Variants in DAB1 observed in about 807,000 individuals in gnomAD.
DAB1 encodes the protein DAB adaptor protein 1.
A neutral mutation model predicts 64.6 loss-of-function variants in DAB1; 15 were observed. The ratio of observed to expected loss-of-function variants is 0.23; its 90% CI spans 0.16 to 0.36. The LOEUF is 0.36. DAB1 is among the 10% of genes least tolerant of loss of function. The pLI is 1.00. For synonymous variants in DAB1, 235 were observed against 251.9 expected (o/e 0.93, Z 0.64); for missense variants, 596 against 706.7 (o/e 0.84, Z 1.78).
intron 1 of DAB1, among the ~76,000 whole-genome samples, chr1:58,544,755 G>C (rs745444787): frequency 9.9e-5 from 15 of 152,178 alleles, no homozygotes; most frequent in Non-Finnish European, 1.6e-4. Context: ...TACCACATCT[G>C]GCTAATTTTT....
intron 3 of DAB1, among the ~76,000 whole-genome samples, chr1:58,482,388 A>C (rs1005863216): frequency 3.3e-5 from 5 of 152,206 alleles, no homozygotes; most frequent in African/African-American, 1.2e-4. Context: ...CTGGCTGCTG[A>C]TTTAAGTAAC....
At chr1:57,489,892 T>C (rs564270642) in intron 7 of DAB1, among the ~76,000 whole-genome samples, 40 of 152,316 alleles carry the variant, frequency 2.6e-4, no homozygotes, top group African/African-American at 9.6e-4. Flanking sequence ...CCCTCTCTGT[T>C]AAACTCATAC....
At chr1:57,860,042 G>A (rs1234146929) in intron 1 of DAB1, among the ~76,000 whole-genome samples, 2 of 152,096 alleles carry the variant, frequency 1.3e-5, no homozygotes, top group African/African-American at 4.8e-5. Flanking sequence ...TGTCCCCATG[G>A]TATAGATGAG....
At chr1:58,224,020 A>G (rs541814911) in intron 4 of DAB1, among the ~76,000 whole-genome samples, 2 of 152,340 alleles carry the variant, frequency 1.3e-5, no homozygotes, top group Admixed American at 1.3e-4. Flanking sequence ...TAATCCACTC[A>G]GAGGAGAAGC....
At chr1:58,305,166 A>C (rs1285857413) in intron 4 of DAB1, among the ~76,000 whole-genome samples, 1 of 152,128 alleles carries the variant, frequency 6.6e-6, no homozygotes, top group Non-Finnish European at 1.5e-5. Context: ...CCCTGGGTTC[A>C]AGTAATCCCC....
rs1301514546 is a variant in DAB1, at chr1:57,872,364, C to T, written n.87+11635G>A. 3.9e-5 allele frequency among the ~76,000 whole-genome samples: 6 copies of T among 152,130 alleles called. No homozygotes were observed. The South Asian group carries it at 8.3e-4, about 21-fold the overall frequency. ...AAGAGACTCCTCATCCCTTCTCCCA[C>T]GTGAGGACACAGTGAGAGGTATATC... On this transcript the variant is annotated intron_variant and non_coding_transcript_variant, in intron 1 of 1. Transcript: ENST00000477280.
chr1:57,010,176 C>T (rs1033815500), intron 14 of DAB1, among the ~76,000 whole-genome samples: 1 of 152,126 alleles, frequency 6.6e-6, no homozygotes, highest in African/African-American at 2.4e-5. Flanking sequence ...AATGCAGTGA[C>T]ATTTTGCTTA....
chr1:57,277,279 T>C (rs896771263), intron 2 of DAB1, among the ~76,000 whole-genome samples: 5 of 152,214 alleles, frequency 3.3e-5, no homozygotes, highest in Non-Finnish European at 5.9e-5. Context: ...GTGGGCAGGA[T>C]ACTAAATCTC....
chr1:57,098,870 C>T (rs1398891721), intron 4 of DAB1, among the ~76,000 whole-genome samples: 1 of 152,132 alleles, frequency 6.6e-6, no homozygotes, highest in Non-Finnish European at 1.5e-5. Context: ...CTAACTCTAC[C>T]TTATAGATAG....
chr1:57,387,148 G>A (rs565938306), intron 1 of DAB1: 22 of 152,278 alleles, frequency 1.4e-4, no homozygotes, highest in Admixed American at 1.4e-3. Flanking sequence ...GAGACCTCAA[G>A]CAAGTCACTA....
At chr1:57,876,776 C>T (rs959964208) in intron 1 of DAB1, 3 of 152,078 alleles carry the variant, frequency 2.0e-5, no homozygotes, top group Non-Finnish European at 2.9e-5. Flanking sequence ...TGCTTAGAAG[C>T]CAAACTGAAC....
chr1:57,780,098 C>A (rs1190618836), intron 6 of DAB1, among the ~76,000 whole-genome samples: 1 of 152,128 alleles, frequency 6.6e-6, no homozygotes, highest in Non-Finnish European at 1.5e-5. Flanking sequence ...TGGCTCCAAA[C>A]TGAGTACCCT....
chr1:57,358,121 T>C (rs755592973), intron 1 of DAB1, among the ~76,000 whole-genome samples: 2 of 152,114 alleles, frequency 1.3e-5, no homozygotes, highest in African/African-American at 4.8e-5. Flanking sequence ...TCTTCCTTTT[T>C]ACTTTGAATG....
intron 6 of DAB1, among the ~76,000 whole-genome samples, chr1:57,709,084 A>AT (rs1166054920): frequency 6.6e-6 from 1 of 152,168 alleles, no homozygotes; most frequent in East Asian, 1.9e-4. Context: ...TTTTATTCCA[A>AT]TTTTTTCTAT....
intron 5 of DAB1, among the ~76,000 whole-genome samples, chr1:57,943,582 A>C (rs1051565330): frequency 3.9e-5 from 6 of 152,208 alleles, no homozygotes; most frequent in Non-Finnish European, 8.8e-5. Flanking sequence ...TACAGCCTAT[A>C]GGAATAATAG....
At chr1:57,074,351 A>T (rs918940922) in intron 4 of DAB1, among the ~76,000 whole-genome samples, 1 of 152,144 alleles carries the variant, frequency 6.6e-6, no homozygotes, top group Non-Finnish European at 1.5e-5. Context: ...GGAGAGAGAA[A>T]ATTATGAAAA....
intron 4 of DAB1, among the ~76,000 whole-genome samples, chr1:58,290,774 T>C (rs999384783): frequency 6.6e-6 from 1 of 152,166 alleles, no homozygotes; most frequent in African/African-American, 2.4e-5. Context: ...GACAGGATGC[T>C]TTCTCAAGCC....
At position 57,674,994 on chromosome 1, in the gene DAB1, G is replaced by A. The variant is rs1054566291; in HGVS notation, n.552-25329C>T. Among the ~76,000 whole-genome samples the A allele has an allele frequency of 5.3e-5, 8 of 152,172 alleles. No individual in the cohort carries two copies. In the South Asian group the frequency reaches 1.5e-3, roughly 28 times the overall value. ...CAATGGTCTGTGAGAAGAAATGTAT[G>A]TGTCACTTCTGGGTAGGAACAATGA... On this transcript the variant is annotated intron_variant and non_coding_transcript_variant, in intron 6 of 20. Transcript: ENST00000485760.
At chr1:58,527,296 C>T (rs779288032) in exon 2 of DAB1, 29 of 872,110 alleles carry the variant, frequency 3.3e-5, no homozygotes, top group Non-Finnish European at 5.2e-5. Context: ...TTGTCAGCTT[C>T]GGCCTCCAAT....
Sources: gnomAD v4.1 joint callset for allele counts (sites outside exome capture counted in the v4.1 genomes callset) on GRCh38, gnomAD v4.1.1 for gene constraint, MANE v1.5 for transcripts, NCBI Gene and HGNC (gene_info 2026-07-23, HGNC 2026-07-21) for gene names.